ERC2: variants seen among roughly 807,000 people sequenced by gnomAD.
ERC2 encodes ELKS/RAB6-interacting/CAST family member 2, also known as ERC protein 2.
A neutral mutation model predicts 114.8 loss-of-function variants in ERC2; 42 were observed. The ratio of observed to expected loss-of-function variants is 0.37; its 90% CI spans 0.29 to 0.47. The LOEUF (loss-of-function observed/expected upper bound fraction) is 0.47. Ranked by LOEUF, ERC2 falls within the 20% of genes least tolerant of loss-of-function variation. The pLI is 0.99. For synonymous variants in ERC2, 454 were observed against 425.5 expected, an observed-to-expected ratio of 1.07 and a Z score of -0.82; for missense variants, 939 against 1,150.7, an observed-to-expected ratio of 0.82 and a Z score of 2.66.
intron 3 of ERC2, among the ~76,000 whole-genome samples, chr3:56,202,078 C>T (rs1022765557): frequency 3.3e-5 from 5 of 152,224 alleles, no homozygotes; most frequent in South Asian, 2.1e-4. Flanking sequence ...GGCAGAATAC[C>T]GCAGGCCATC....
chr3:56,243,439 C>T (rs951092208), intron 3 of ERC2, among the ~76,000 whole-genome samples: 8 of 152,274 alleles, frequency 5.3e-5, no homozygotes, highest in Middle Eastern at 3.4e-3. Context: ...TGGGTGTTTC[C>T]TGTGTTCAGA....
intron 17 of ERC2, among the ~76,000 whole-genome samples, chr3:55,513,719 G>A (rs1363388559): frequency 3.3e-5 from 5 of 151,902 alleles, no homozygotes; most frequent in Admixed American, 1.3e-4. Context: ...CAGCAGCCTC[G>A]ACCTCCTGGA....
At chr3:55,794,860 A>G (rs1414526097) in intron 14 of ERC2, among the ~76,000 whole-genome samples, 1 of 152,188 alleles carries the variant, frequency 6.6e-6, no homozygotes, top group Non-Finnish European at 1.5e-5. Context: ...GTTTGGCTGA[A>G]TTCACAGAAT....
chr3:55,557,571 T>A (rs1265658981), intron 17 of ERC2, among the ~76,000 whole-genome samples: 1 of 152,212 alleles, frequency 6.6e-6, no homozygotes, highest in Non-Finnish European at 1.5e-5. Context: ...CCATGTGAGA[T>A]CTACTGCCAC....
chr3:56,084,516 A>G (rs535295652), intron 6 of ERC2, among the ~76,000 whole-genome samples: 5 of 152,304 alleles, frequency 3.3e-5, no homozygotes, highest in East Asian at 3.9e-4. Flanking sequence ...AATAAGATAT[A>G]TATATGATAA....
At position 56,056,910 on chromosome 3, in the gene ERC2, C is replaced by T. The variant is rs572236887; in HGVS notation, c.1641+23907G>A. 4.6e-5 allele frequency among the ~76,000 whole-genome samples: 7 copies of T among 152,292 alleles called. No homozygotes were observed. In the South Asian group the frequency reaches 1.5e-3, roughly 32 times the overall value. On this transcript the variant is annotated intron_variant, in intron 7 of 17. Transcript: ENST00000288221. The stretch of plus-strand genomic sequence containing the variant: ...TTTTCACTCATTCTCCATGAATCCT[C>T]ATGGCTTCTCTACGAGGTAGGTACC...
intron 14 of ERC2, among the ~76,000 whole-genome samples, chr3:55,835,858 T>C (rs1004053084): frequency 1.3e-5 from 2 of 151,590 alleles, no homozygotes; most frequent in African/African-American, 4.9e-5. Flanking sequence ...AAAACCCCAT[T>C]GTCTCAGCCC....
At chr3:56,011,905 G>A (rs1285643533) in intron 8 of ERC2, among the ~76,000 whole-genome samples, 4 of 152,088 alleles carry the variant, frequency 2.6e-5, no homozygotes, top group South Asian at 2.1e-4. Flanking sequence ...AAGATCCCCC[G>A]AGGAAGCAAC....
At chr3:56,135,632 T>C (rs1054245020) in intron 6 of ERC2, among the ~76,000 whole-genome samples, 12 of 152,252 alleles carry the variant, frequency 7.9e-5, no homozygotes, top group Admixed American at 3.3e-4. Context: ...GACTGTGACA[T>C]GAAGGCTCAG....
intron 6 of ERC2, among the ~76,000 whole-genome samples, chr3:56,093,626 A>G (rs1273479279): frequency 6.6e-6 from 1 of 152,142 alleles, no homozygotes; most frequent in Non-Finnish European, 1.5e-5. Flanking sequence ...TCTCCATATT[A>G]AATTAATATC....
chr3:55,745,015 C>A (rs1251239209), intron 14 of ERC2, among the ~76,000 whole-genome samples: 3 of 152,200 alleles, frequency 2.0e-5, no homozygotes, highest in African/African-American at 4.8e-5. Flanking sequence ...ATGAGCTCCC[C>A]TTTATAGTGA....
chr3:55,670,620 C>T (rs544251815), intron 17 of ERC2, among the ~76,000 whole-genome samples: 7 of 152,278 alleles, frequency 4.6e-5, no homozygotes, highest in African/African-American at 1.4e-4. Context: ...GGGCAAAGAG[C>T]TTTCCCTCTC....
chr3:55,617,513 G>A (rs1366486174), intron 17 of ERC2, among the ~76,000 whole-genome samples: 1 of 152,196 alleles, frequency 6.6e-6, no homozygotes, highest in Non-Finnish European at 1.5e-5. Context: ...GGATCAGAAT[G>A]TTTAATATGG....
chr3:55,744,643 G>A (rs1441483133), intron 14 of ERC2, among the ~76,000 whole-genome samples: 1 of 152,194 alleles, frequency 6.6e-6, no homozygotes, highest in African/African-American at 2.4e-5. Flanking sequence ...AAACTTCTAG[G>A]AGGTATTTGA....
intron 14 of ERC2, among the ~76,000 whole-genome samples, chr3:55,743,579 T>C (rs1273423189): frequency 7.5e-6 from 1 of 133,952 alleles, no homozygotes; most frequent in Non-Finnish European, 1.5e-5. Context: ...CTCATTACTA[T>C]GTGCCTGATC....
chr3:56,173,686 G>A, intron 3 of ERC2, 166 bp from the exon 4 acceptor site: 2 of 578,722 alleles, frequency 3.5e-6, no homozygotes, highest in Non-Finnish European at 6.0e-6. Context: ...CTCCTGCCTG[G>A]AGCCTGCGTT....
At chr3:55,599,943 G>C (rs2058324316) in intron 17 of ERC2, among the ~76,000 whole-genome samples, 1 of 152,152 alleles carries the variant, frequency 6.6e-6, no homozygotes, top group African/African-American at 2.4e-5. Flanking sequence ...TTTCCTATCA[G>C]TGAAAAAGCT....
chr3:55,636,723 G>GA (rs1412929552), intron 17 of ERC2, among the ~76,000 whole-genome samples: 1 of 152,142 alleles, frequency 6.6e-6, no homozygotes, highest in Non-Finnish European at 1.5e-5. Context: ...GAAAATAAAC[G>GA]AAGAGGTGTG....
rs183290132 is a variant in ERC2, at chr3:55,881,932, T to C, written c.2564+6457A>G. Among the ~76,000 whole-genome samples, 393 of 152,292 alleles carry C rather than the reference T, an allele frequency of 2.6e-3. 2 individuals are homozygous for C. Among genetic ancestry groups the C allele is most frequent in the African/African-American group, 9.0e-3 (375 of 41,548 alleles). On this transcript the variant is annotated intron_variant, in intron 14 of 17. Transcript: ENST00000288221. ...TATGAAAATATATGGTTGGTAACTG[T>C]TAGTTTCTTCCAGCAGAGGAATAAT... is the stretch of plus-strand genomic sequence containing the variant.
Sources: allele counts gnomAD v4.1 joint callset (sites outside exome capture counted in the v4.1 genomes callset), GRCh38; gene constraint gnomAD v4.1.1; transcripts MANE v1.5; gene names NCBI Gene and HGNC (gene_info 2026-07-23, HGNC 2026-07-21).